The following SIPA1L3 variants were observed in gnomAD, a reference collection of about 807,000 sequenced individuals.
SIPA1L3 encodes the protein signal-induced proliferation-associated 1-like protein 3.
In SIPA1L3, 59 loss-of-function variants were observed where a neutral mutation model predicts 150.1. That is an observed-to-expected ratio of 0.39 (90% CI 0.32 to 0.49). The LOEUF is 0.49. Among genes scored for constraint, SIPA1L3 ranks in the 20% least tolerant of loss-of-function variants. The pLI, the probability that SIPA1L3 is intolerant of heterozygous loss-of-function variation, is 0.86. For synonymous variants in SIPA1L3, 1,070 were observed against 1,077.6 expected (o/e 0.99, Z 0.14); for missense variants, 2,211 against 2,489.5 (o/e 0.89, Z 2.38).
intron 1 of SIPA1L3, among the ~76,000 whole-genome samples, chr19:38,024,022 G>A (rs919775180): frequency 6.6e-6 from 1 of 152,166 alleles, no homozygotes; most frequent in Non-Finnish European, 1.5e-5. Context: ...GGAGGGGGAG[G>A]GGGGTGGACG....
In SIPA1L3 at chr19:37,969,621, G is replaced by T. The variant is rs117711994; in HGVS notation, c.-378-59468G>T. 7.2e-5 allele frequency among the ~76,000 whole-genome samples: 11 copies of T among 152,104 alleles called. No homozygotes were observed. In the East Asian group the frequency reaches 1.9e-3, roughly 27 times the overall value. On this transcript the variant is annotated intron_variant, in intron 1 of 21. Coordinates refer to ENST00000222345, the MANE Select transcript of SIPA1L3 (RefSeq NM_015073.3). The stretch of plus-strand genomic sequence containing the variant: ...CTTATCATGGCTTATAAGGTCCCCC[G>T]TGATGCAGCCGTGCTGGCCTTGCTT...
intron 1 of SIPA1L3, among the ~76,000 whole-genome samples, chr19:37,994,208 A>C (rs1243499723): frequency 1.3e-5 from 2 of 152,196 alleles, no homozygotes; most frequent in African/African-American, 4.8e-5. Context: ...GGCCGGGAAA[A>C]GAATTTAAAC....
In SIPA1L3 at chr19:38,046,466, C is replaced by T. The variant is rs531980008; in HGVS notation, c.-311+17310C>T. 3.9e-5 allele frequency among the ~76,000 whole-genome samples: 6 copies of T among 152,302 alleles called. No individual in the cohort carries two copies. Among genetic ancestry groups the T allele is most frequent in the Admixed American group, 1.3e-4 (2 of 15,302 alleles). On this transcript the variant is annotated intron_variant, in intron 2 of 21. Coordinates refer to ENST00000222345, the MANE Select transcript of SIPA1L3 (RefSeq NM_015073.3). The surrounding 1 kb of genome is among the most constrained non-coding windows in gnomAD (Gnocchi z 5.6). ...GAGTCTTTGACCTCATGCCGATCAACGTGCTTCTCTCGGTTCCCTGTTCTG... is the reference window on the plus strand; with the variant it reads ...GAGTCTTTGACCTCATGCCGATCAATGTGCTTCTCTCGGTTCCCTGTTCTG...
intron 9 of SIPA1L3, among the ~76,000 whole-genome samples, chr19:38,122,449 C>T (rs1971043026): frequency 6.6e-6 from 1 of 152,196 alleles, no homozygotes. Context: ...CCACCTCTCC[C>T]AGAGCCCTCA....
At chr19:38,000,912 C>CATAT (rs58090023) in intron 1 of SIPA1L3, among the ~76,000 whole-genome samples, 29 of 138,056 alleles carry the variant, frequency 2.1e-4, no homozygotes, top group Admixed American at 3.1e-4. Context: ...ATATATATAA[C>CATAT]ATATATATAA....
At chr19:38,028,627 A>G (rs148624017) in intron 1 of SIPA1L3, among the ~76,000 whole-genome samples, 247 of 151,374 alleles carry the variant, frequency 1.6e-3, no homozygotes, top group African/African-American at 5.8e-3. Context: ...GAGGACAGCT[A>G]CTTTGTCTTG....
intron 1 of SIPA1L3, among the ~76,000 whole-genome samples, chr19:37,946,924 G>A (rs147319615): frequency 1.9e-4 from 29 of 152,274 alleles, no homozygotes; most frequent in African/African-American, 6.3e-4. Flanking sequence ...AGTGGCTCAC[G>A]CCTATAATCC....
chr19:37,956,042 T>C (rs2046807630), intron 1 of SIPA1L3, among the ~76,000 whole-genome samples: 1 of 152,252 alleles, frequency 6.6e-6, no homozygotes, highest in Non-Finnish European at 1.5e-5. Context: ...ACAATGGCTA[T>C]TCACAGGCGT....
At chr19:37,965,508 G>A (rs1414935434) in intron 1 of SIPA1L3, among the ~76,000 whole-genome samples, 1 of 151,908 alleles carries the variant, frequency 6.6e-6, no homozygotes, top group Non-Finnish European at 1.5e-5. Context: ...TAAAGATGGG[G>A]TTTCACCATG....
At chr19:37,907,800 A>T (rs1355003295) in intron 1 of SIPA1L3, 1 of 152,238 alleles carries the variant, frequency 6.6e-6, no homozygotes, top group African/African-American at 2.4e-5. Flanking sequence ...GATGTTATCG[A>T]TTGCATAGGG....
chr19:37,914,979 T>A (rs956913780), intron 1 of SIPA1L3, among the ~76,000 whole-genome samples: 4 of 152,168 alleles, frequency 2.6e-5, no homozygotes, highest in Non-Finnish European at 4.4e-5. Context: ...CCCTCCATGC[T>A]CTTCACCTGC....
chr19:38,052,832 G>T (rs970416739), intron 2 of SIPA1L3, among the ~76,000 whole-genome samples: 1 of 152,184 alleles, frequency 6.6e-6, no homozygotes, highest in Non-Finnish European at 1.5e-5. Context: ...TCCCCTCCAA[G>T]CTTCCCCCTC....
chr19:37,990,072 G>A (rs1300198706), intron 1 of SIPA1L3, among the ~76,000 whole-genome samples: 1 of 152,054 alleles, frequency 6.6e-6, no homozygotes, highest in Non-Finnish European at 1.5e-5. Context: ...GGGAGGGGAG[G>A]CTCCTTCTCT....
intron 1 of SIPA1L3, among the ~76,000 whole-genome samples, chr19:37,970,533 G>A (rs1966905102): frequency 1.3e-5 from 2 of 152,274 alleles, no homozygotes; most frequent in South Asian, 2.1e-4. Context: ...TTTCCAGGCC[G>A]CTCTCTTCTC....
intron 2 of SIPA1L3, among the ~76,000 whole-genome samples, chr19:38,066,529 A>G (rs1200977142): frequency 6.6e-6 from 1 of 152,190 alleles, no homozygotes; most frequent in Non-Finnish European, 1.5e-5. Flanking sequence ...TGCTGGATTA[A>G]AATAAATAGA....
At chr19:38,030,453 A>G (rs951269321) in intron 2 of SIPA1L3, among the ~76,000 whole-genome samples, 3 of 151,974 alleles carry the variant, frequency 2.0e-5, no homozygotes, top group African/African-American at 2.4e-5. Flanking sequence ...TTCCAGCTAC[A>G]CTGGGGCTAA....
intron 15 of SIPA1L3, among the ~76,000 whole-genome samples, chr19:38,166,352 G>C (rs1972210820): frequency 6.6e-6 from 1 of 151,832 alleles, no homozygotes; most frequent in East Asian, 1.9e-4. Flanking sequence ...AGCTACTTGG[G>C]AGGCTGAGGC....
At chr19:38,049,346 GTATCTCATTCT>G (rs753739653) in intron 2 of SIPA1L3, among the ~76,000 whole-genome samples, 2 of 152,128 alleles carry the variant, frequency 1.3e-5, no homozygotes, top group African/African-American at 2.4e-5. Flanking sequence ...TTGGAGCTCT[GTATCTCATTCT>G]TTCGGTTTCT....
intron 12 of SIPA1L3, among the ~76,000 whole-genome samples, chr19:38,144,960 T>C (rs545517847): frequency 1.3e-5 from 2 of 152,068 alleles, no homozygotes; most frequent in African/African-American, 4.8e-5. Flanking sequence ...GCCACAGATA[T>C]GAACAAGCAG....
Sources: gnomAD v4.1 joint callset for allele counts (sites outside exome capture counted in the v4.1 genomes callset) on GRCh38, gnomAD v4.1.1 for gene constraint, Gnocchi (gnomAD v3.1) non-coding constraint, MANE v1.5 for transcripts, NCBI Gene and HGNC (gene_info 2026-07-23, HGNC 2026-07-21) for gene names.